The following DNAJC1 variants were observed in gnomAD, a reference collection of about 807,000 sequenced individuals.
DNAJC1 encodes the protein dnaJ homolog subfamily C member 1.
In DNAJC1, 58 loss-of-function variants were observed where a neutral mutation model predicts 76.6. The observed-to-expected ratio is 0.76, with a 90% CI of 0.61 to 0.94. The LOEUF is 0.94. Ranked by LOEUF, DNAJC1 falls within the 40% of genes least tolerant of loss-of-function variation. The pLI is 0.00. For synonymous variants in DNAJC1, 258 were observed against 267.9 expected (o/e 0.96, Z 0.36); for missense variants, 689 against 677.3 (o/e 1.02, Z -0.19).
intron 1 of DNAJC1, among the ~76,000 whole-genome samples, chr10:21,993,887 C>A (rs190624626): frequency 1.3e-5 from 2 of 152,004 alleles, no homozygotes; most frequent in Admixed American, 6.5e-5. Flanking sequence ...TTTTTTTACC[C>A]ATTTTTATCC....
At chr10:21,851,077 T>C (rs1268901660) in intron 8 of DNAJC1, among the ~76,000 whole-genome samples, 1 of 151,966 alleles carries the variant, frequency 6.6e-6, no homozygotes, top group Non-Finnish European at 1.5e-5. Flanking sequence ...AGCATAGGGG[T>C]AAAATTCACG....
At chr10:21,834,117 A>T (rs1265209446) in intron 8 of DNAJC1, among the ~76,000 whole-genome samples, 2 of 152,064 alleles carry the variant, frequency 1.3e-5, no homozygotes, top group African/African-American at 4.8e-5. Context: ...ACAAAAAATT[A>T]ACCGGGCACG....
intron 1 of DNAJC1, among the ~76,000 whole-genome samples, chr10:21,986,286 T>C (rs1181086238): frequency 1.3e-5 from 2 of 152,216 alleles, no homozygotes; most frequent in African/African-American, 4.8e-5. Context: ...GCATAAGTAT[T>C]CCAGGTTTTC....
chr10:21,952,533 G>A (rs1280042518), intron 1 of DNAJC1, among the ~76,000 whole-genome samples: 3 of 152,170 alleles, frequency 2.0e-5, no homozygotes, highest in Non-Finnish European at 4.4e-5. Context: ...AGACGCAGGC[G>A]ATCACCTGGG....
At chr10:21,994,665 C>T (rs1197137241) in intron 1 of DNAJC1, among the ~76,000 whole-genome samples, 1 of 151,928 alleles carries the variant, frequency 6.6e-6, no homozygotes, top group Admixed American at 6.6e-5. Flanking sequence ...GTGGCGGGCG[C>T]CTGTAGTCCC....
At chr10:21,916,471 A>G (rs1020445358) in intron 6 of DNAJC1, among the ~76,000 whole-genome samples, 6 of 152,228 alleles carry the variant, frequency 3.9e-5, no homozygotes, top group African/African-American at 1.2e-4. Flanking sequence ...CCTGGGCGAC[A>G]GAGCAAGACT....
At chr10:21,983,570 A>G (rs1271561980) in intron 1 of DNAJC1, among the ~76,000 whole-genome samples, 1 of 152,110 alleles carries the variant, frequency 6.6e-6, no homozygotes, top group Non-Finnish European at 1.5e-5. Flanking sequence ...AAATACAAAA[A>G]TTAGCCGGGT....
At chr10:21,846,782 C>T (rs910458664) in intron 8 of DNAJC1, among the ~76,000 whole-genome samples, 8 of 152,004 alleles carry the variant, frequency 5.3e-5, no homozygotes, top group Admixed American at 1.3e-4. Context: ...ACTATTATCT[C>T]CATTTTACAA....
chr10:21,843,636 AC>A lies in DNAJC1; in HGVS notation c.979-37538del, dbSNP rs1436502928. ...TCTCAATCTCCTGACCTCGTGATCC[AC>A]TGCCTCAGCCTCCCAAAGTGCTGGG... On this transcript the variant is annotated intron_variant, in intron 8 of 11. Transcript: ENST00000376980. Among the ~76,000 whole-genome samples, 13 of 151,846 alleles carry A rather than the reference AC, an allele frequency of 8.6e-5. No individual in the cohort carries two copies. The East Asian group carries it at 1.5e-3, about 18-fold the overall frequency.
chr10:21,912,542 T>C (rs1472458696), intron 6 of DNAJC1, among the ~76,000 whole-genome samples: 1 of 152,170 alleles, frequency 6.6e-6, no homozygotes, highest in African/African-American at 2.4e-5. Flanking sequence ...AGCAGTAGTT[T>C]CAGCTTATAA....
rs115437777 is a variant in DNAJC1, at chr10:21,971,872, T to C, written c.222+31341A>G. Reference sequence around the variant, plus strand: ...TGGAGGATATTAAGAGAAAACATGATTGAATGTGTCATGTAAACAGATTTC... The same window carrying C: ...TGGAGGATATTAAGAGAAAACATGACTGAATGTGTCATGTAAACAGATTTC... On this transcript the variant is annotated intron_variant, in intron 1 of 11. Coordinates refer to ENST00000376980, the MANE Select transcript of DNAJC1 (RefSeq NM_022365.4). 3.4e-3 allele frequency among the ~76,000 whole-genome samples: 518 copies of C among 152,024 alleles called. 2 individuals are homozygous for C. Among genetic ancestry groups the C allele is most frequent in the African/African-American group, 0.012 (488 of 41,548 alleles).
chr10:21,861,671 T>G (rs1213882956), intron 8 of DNAJC1, among the ~76,000 whole-genome samples: 2 of 151,958 alleles, frequency 1.3e-5, no homozygotes. Context: ...AAAACCAAGA[T>G]GGAGACACGA....
intron 1 of DNAJC1, among the ~76,000 whole-genome samples, chr10:21,936,463 C>T (rs937977960): frequency 5.9e-5 from 9 of 152,190 alleles, no homozygotes; most frequent in East Asian, 3.9e-4. Context: ...AAGACAGTTA[C>T]ATAAGGCAGT....
chr10:21,833,916 G>C (rs1336425995), intron 8 of DNAJC1, among the ~76,000 whole-genome samples: 2 of 152,118 alleles, frequency 1.3e-5, no homozygotes, highest in African/African-American at 2.4e-5. Flanking sequence ...CTAGAAATCA[G>C]ACAGGGGAAA....
intron 10 of DNAJC1, among the ~76,000 whole-genome samples, chr10:21,765,535 G>A (rs1366099198): frequency 6.6e-6 from 1 of 152,118 alleles, no homozygotes; most frequent in Non-Finnish European, 1.5e-5. Flanking sequence ...GTTAATCTTG[G>A]AGGAAATTGA....
intron 8 of DNAJC1, among the ~76,000 whole-genome samples, chr10:21,854,332 G>T (rs1835798324): frequency 7.5e-6 from 1 of 133,290 alleles, no homozygotes. Context: ...AGGACTATCA[G>T]ATACAAATGT....
intron 1 of DNAJC1, among the ~76,000 whole-genome samples, chr10:21,982,649 T>G (rs1322836642): frequency 6.6e-6 from 1 of 150,938 alleles, no homozygotes; most frequent in Non-Finnish European, 1.5e-5. Flanking sequence ...TCAATAACAG[T>G]AGTCACTAGG....
chr10:21,887,843 A>C (rs1375448258), intron 7 of DNAJC1, among the ~76,000 whole-genome samples: 1 of 152,160 alleles, frequency 6.6e-6, no homozygotes, highest in South Asian at 2.1e-4. Flanking sequence ...ATTTCATTAC[A>C]AAGACACCAA....
chr10:21,988,000 G>A (rs1564846116), intron 1 of DNAJC1, among the ~76,000 whole-genome samples: 1 of 151,870 alleles, frequency 6.6e-6, no homozygotes, highest in Non-Finnish European at 1.5e-5. Context: ...TTGCTATGTA[G>A]TTTTCACATA....
Sources: allele counts gnomAD v4.1 joint callset (sites outside exome capture counted in the v4.1 genomes callset), GRCh38; gene constraint gnomAD v4.1.1; transcripts MANE v1.5; gene names NCBI Gene and HGNC (gene_info 2026-07-23, HGNC 2026-07-21).